The following TSPAN11 variants were observed in gnomAD, a reference collection of about 807,000 sequenced individuals.
TSPAN11 encodes tetraspanin 11, also known as tetraspanin-11.
In TSPAN11, 29 loss-of-function variants were observed where a neutral mutation model predicts 32.9. That is an observed-to-expected ratio of 0.88 (90% CI 0.66 to 1.20). The LOEUF is 1.20. Among genes scored for constraint, TSPAN11 ranks in the 50% most tolerant of loss-of-function variants. TSPAN11 has a pLI of 0.00. For missense variants in TSPAN11, 283 were observed against 329.1 expected, an observed-to-expected ratio of 0.86 and a Z score of 1.08; for synonymous variants, 140 against 141.3, an observed-to-expected ratio of 0.99 and a Z score of 0.07.
chr12:30,963,790 C>T lies in TSPAN11; in HGVS notation c.85-36C>T, dbSNP rs371556458. 85 of 1,589,712 alleles carry T rather than the reference C, an allele frequency of 5.3e-5. No homozygotes were observed. The African/African-American group carries it at 8.2e-4, about 15-fold the overall frequency. On this transcript the variant is annotated intron_variant, in intron 2 of 7. Transcript: ENST00000546076. ...AACGGATAGCAGCTGCCGAGGCCCC[C>T]GCCACCCCCTGCTCTAACCCGGTGG...
intron 2 of TSPAN11, among the ~76,000 whole-genome samples, chr12:30,961,566 A>T (rs1169408831): frequency 6.6e-6 from 1 of 151,984 alleles, no homozygotes; most frequent in Non-Finnish European, 1.5e-5. Flanking sequence ...AGAGATGACC[A>T]TGTCCCAAGC....
At chr12:30,970,302 T>G (rs1938822096) in intron 3 of TSPAN11, among the ~76,000 whole-genome samples, 1 of 152,202 alleles carries the variant, frequency 6.6e-6, no homozygotes, top group East Asian at 1.9e-4. Flanking sequence ...TCACTCAGCC[T>G]GTTCAGACTG....
chr12:30,984,559 T>TTTC (rs1466577589), intron 7 of TSPAN11, among the ~76,000 whole-genome samples: 1 of 138,200 alleles, frequency 7.2e-6, no homozygotes, highest in African/African-American at 2.8e-5. Context: ...TTGCTTTTTT[T>TTTC]TTTTTTTTTT....
At chr12:30,941,345 A>G (rs570758191) in intron 1 of TSPAN11, among the ~76,000 whole-genome samples, 1 of 152,212 alleles carries the variant, frequency 6.6e-6, no homozygotes, top group East Asian at 1.9e-4. Flanking sequence ...ACCATGCCTG[A>G]TGCATGGTAC....
intron 1 of TSPAN11, among the ~76,000 whole-genome samples, chr12:30,941,211 C>T (rs1232593424): frequency 6.6e-6 from 1 of 152,294 alleles, no homozygotes; most frequent in East Asian, 1.9e-4. Flanking sequence ...ATACAGAGGG[C>T]CGACTTTTCA....
chr12:30,944,695 T>C (rs898570479), intron 1 of TSPAN11, among the ~76,000 whole-genome samples: 5 of 152,234 alleles, frequency 3.3e-5, no homozygotes, highest in African/African-American at 4.8e-5. Flanking sequence ...GTTTGGTCTT[T>C]TAAAAGAAGG....
the TSPAN11 span, among the ~76,000 whole-genome samples, chr12:31,010,960 G>A: frequency 1.3e-5 from 2 of 152,256 alleles, no homozygotes; most frequent in South Asian, 2.1e-4. Context: ...ATGTTAAATT[G>A]TGAGCTGGCA....
intron 3 of TSPAN11, among the ~76,000 whole-genome samples, chr12:30,967,932 G>A (rs113638647): frequency 1.2e-4 from 19 of 152,064 alleles, no homozygotes; most frequent in Non-Finnish European, 2.1e-4. Flanking sequence ...GTGAAGCATC[G>A]AGCACTTGAT....
chr12:30,942,486 C>T (rs948352364), intron 1 of TSPAN11, among the ~76,000 whole-genome samples: 1 of 152,152 alleles, frequency 6.6e-6, no homozygotes, highest in Non-Finnish European at 1.5e-5. Context: ...CACTGAAGTT[C>T]TCATTTCATA....
intron 3 of TSPAN11, among the ~76,000 whole-genome samples, chr12:30,973,280 T>A (rs184305559): frequency 1.0e-3 from 158 of 152,314 alleles, no homozygotes; most frequent in African/African-American, 3.4e-3. Context: ...TGTGGCAATG[T>A]GATGAGCAAT....
At chr12:31,013,792 G>A in the TSPAN11 span, among the ~76,000 whole-genome samples, 1 of 152,138 alleles carries the variant, frequency 6.6e-6, no homozygotes, top group Non-Finnish European at 1.5e-5. Flanking sequence ...CTAGGAGTCT[G>A]GTCTTGAACC....
At chr12:31,004,996 A>G in the TSPAN11 span, among the ~76,000 whole-genome samples, 4 of 152,322 alleles carry the variant, frequency 2.6e-5, no homozygotes, top group Non-Finnish European at 5.9e-5. Flanking sequence ...AGATGCCAGG[A>G]CTGGCAGGAC....
the TSPAN11 span, among the ~76,000 whole-genome samples, chr12:31,010,514 C>G: frequency 1.3e-5 from 2 of 152,088 alleles, no homozygotes; most frequent in African/African-American, 2.4e-5. Flanking sequence ...AGATCTCAGG[C>G]TGGGCATGGT....
the TSPAN11 span, among the ~76,000 whole-genome samples, chr12:31,016,109 T>G: frequency 2.0e-5 from 3 of 152,204 alleles, no homozygotes; most frequent in Non-Finnish European, 2.9e-5. Flanking sequence ...AGACCACGTC[T>G]CTAAAAAAGT....
chr12:30,929,578 G>A lies in TSPAN11; in HGVS notation c.-12+2782G>A, dbSNP rs181632615. ...ATCTAGGGTGACTCTGTCTGTTATC[G>A]TCCTCTATTGGGGGTGTTCCCAGGC... is the stretch of plus-strand genomic sequence containing the variant. On this transcript the variant is annotated intron_variant, in intron 1 of 7. Transcript: ENST00000546076. 5.3e-5 allele frequency among the ~76,000 whole-genome samples: 8 copies of A among 152,190 alleles called. No homozygotes were observed. In the East Asian group the frequency reaches 5.8e-4, roughly 11 times the overall value.
At chr12:30,982,443 T>C in intron 5 of TSPAN11, 89 bp from the exon 6 acceptor site, 1 of 1,471,554 alleles carries the variant, frequency 6.8e-7, no homozygotes, top group Non-Finnish European at 9.1e-7. Context: ...CAAATAGGGG[T>C]TGGGTTAGTA....
chr12:31,002,555 T>A, the TSPAN11 span, among the ~76,000 whole-genome samples: 1 of 152,036 alleles, frequency 6.6e-6, no homozygotes, highest in Non-Finnish European at 1.5e-5. This position sits in a 1 kb window ranked among gnomAD's most constrained non-coding sequence, Gnocchi z 4.8. Flanking sequence ...AGACCCCGCC[T>A]CCTCAGAGTG....
At chr12:30,991,774 A>G in intron 7 of TSPAN11, 82 bp from the exon 8 acceptor site, 1 of 1,476,042 alleles carries the variant, frequency 6.8e-7, no homozygotes, top group Non-Finnish European at 9.5e-7. Context: ...TCGAGTGAGC[A>G]GCACTGCTCC....
In TSPAN11 at chr12:30,991,865, A is replaced by G. The variant is rs770694335; in HGVS notation, c.712A>G (p.Met238Val). Reference protein sequence around the residue: ...IGVACLQICGMVLTCCLHQRL... With the variant: ...IGVACLQICGVVLTCCLHQRL... ...TCTCTCCACCTGGCAGATCTGCGGGATGGTTCTCACCTGCTGCTTGCACCA... is the reference window on the plus strand; with the variant it reads ...TCTCTCCACCTGGCAGATCTGCGGGGTGGTTCTCACCTGCTGCTTGCACCA... Residue 238 changes from methionine to valine, a missense_variant, in exon 8 of 8, where the codon ATG becomes GTG. Coordinates refer to ENST00000546076, the MANE Select transcript of TSPAN11 (RefSeq NM_001370302.1). 4 of 1,614,094 alleles carry G rather than the reference A, an allele frequency of 2.5e-6. No individual in the cohort carries two copies. In the Admixed American group the frequency reaches 5.0e-5, roughly 20 times the overall value.
Sources: gnomAD v4.1 joint callset for allele counts (sites outside exome capture counted in the v4.1 genomes callset) on GRCh38, gnomAD v4.1.1 for gene constraint, Gnocchi (gnomAD v3.1) non-coding constraint, MANE v1.5 for transcripts, NCBI Gene and HGNC (gene_info 2026-07-23, HGNC 2026-07-21) for gene names.